Variants in CSTPP1 observed in about 807,000 individuals in gnomAD.
The protein encoded by CSTPP1 is centriolar satellite-associated tubulin polyglutamylase complex regulator 1.
the CSTPP1 span, among the ~76,000 whole-genome samples, chr11:46,939,676 G>A: frequency 0.29 from 28,480 of 97,842 alleles, 3,229 homozygotes; most frequent in South Asian, 0.38. Flanking sequence ...AGATAGATAG[G>A]TAGATGTTTT....
the CSTPP1 span, among the ~76,000 whole-genome samples, chr11:46,967,258 A>AT: frequency 6.6e-6 from 1 of 152,080 alleles, no homozygotes; most frequent in East Asian, 1.9e-4. Context: ...GGAAAGGTTC[A>AT]TTTTTTTGTA....
chr11:46,978,681 A>G, the CSTPP1 span, among the ~76,000 whole-genome samples: 1 of 152,194 alleles, frequency 6.6e-6, no homozygotes, highest in Non-Finnish European at 1.5e-5. Flanking sequence ...TAGAAACTCA[A>G]AGGGATTATT....
the CSTPP1 span, among the ~76,000 whole-genome samples, chr11:47,091,886 G>A: frequency 2.0e-5 from 3 of 152,302 alleles, no homozygotes; most frequent in South Asian, 6.2e-4. Flanking sequence ...CCTCCAGGAG[G>A]AACCAGCCTG....
At chr11:46,974,107 C>G in the CSTPP1 span, among the ~76,000 whole-genome samples, 1 of 152,150 alleles carries the variant, frequency 6.6e-6, no homozygotes, top group African/African-American at 2.4e-5. Flanking sequence ...TGGTGCACAC[C>G]TGTAGTCCCA....
At chr11:47,045,182 C>A in the CSTPP1 span, among the ~76,000 whole-genome samples, 1 of 152,042 alleles carries the variant, frequency 6.6e-6, no homozygotes, top group Non-Finnish European at 1.5e-5. Flanking sequence ...TAAGTAACAA[C>A]CAGAATTCTC....
At chr11:47,037,848 C>G in the CSTPP1 span, among the ~76,000 whole-genome samples, 7 of 128,058 alleles carry the variant, frequency 5.5e-5, 2 homozygotes. Context: ...TCCCCCCTTT[C>G]TATTCCACAA....
the CSTPP1 span, among the ~76,000 whole-genome samples, chr11:46,952,257 C>T: frequency 6.6e-6 from 1 of 152,184 alleles, no homozygotes; most frequent in South Asian, 2.1e-4. Context: ...AAAGCTGCCT[C>T]AATTGTAGCC....
chr11:46,968,589 C>T, the CSTPP1 span, among the ~76,000 whole-genome samples: 7 of 151,020 alleles, frequency 4.6e-5, no homozygotes, highest in African/African-American at 1.7e-4. Flanking sequence ...TCTTGATCAC[C>T]CCCCCGAACA....
chr11:47,100,760 A>G, the CSTPP1 span, among the ~76,000 whole-genome samples: 1 of 152,264 alleles, frequency 6.6e-6, no homozygotes, highest in East Asian at 1.9e-4. Flanking sequence ...ACTGTACTCC[A>G]GCATGGGCGA....
chr11:47,052,401 T>C, the CSTPP1 span: 2 of 1,613,896 alleles, frequency 1.2e-6, no homozygotes, highest in Non-Finnish European at 8.5e-7. Flanking sequence ...TAACAGTGTA[T>C]GCCAGGGAAC....
At chr11:46,987,225 A>G in the CSTPP1 span, 3 of 1,614,136 alleles carry the variant, frequency 1.9e-6, no homozygotes, top group Non-Finnish European at 2.5e-6. Context: ...ACATGTCCTC[A>G]CCTACATGGA....
chr11:47,110,836 G>A, the CSTPP1 span, among the ~76,000 whole-genome samples: 1 of 151,824 alleles, frequency 6.6e-6, no homozygotes, highest in East Asian at 1.9e-4. Context: ...AAGCCATGGA[G>A]GTGGGTTAGC....
chr11:47,012,488 G>A, the CSTPP1 span, among the ~76,000 whole-genome samples: 1 of 152,058 alleles, frequency 6.6e-6, no homozygotes, highest in Non-Finnish European at 1.5e-5. Context: ...CTGTATAGGG[G>A]AAAGGAAGAG....
chr11:46,993,308 C>T, the CSTPP1 span, among the ~76,000 whole-genome samples: 1 of 150,656 alleles, frequency 6.6e-6, no homozygotes, highest in Non-Finnish European at 1.5e-5. Context: ...GTGAAGAAGT[C>T]CTTGCCCATG....
the CSTPP1 span, among the ~76,000 whole-genome samples, chr11:46,965,726 A>G: frequency 6.6e-6 from 1 of 152,236 alleles, no homozygotes; most frequent in African/African-American, 2.4e-5. Context: ...ATCCTTACAC[A>G]GATACGTAGT....
chr11:47,151,115 G>A, the CSTPP1 span, among the ~76,000 whole-genome samples: 1 of 151,990 alleles, frequency 6.6e-6, no homozygotes, highest in Non-Finnish European at 1.5e-5. Context: ...AAATCTTTCT[G>A]CCCACAGGAT....
chr11:47,124,154 C>T, the CSTPP1 span, among the ~76,000 whole-genome samples: 1 of 98,294 alleles, frequency 1.0e-5, no homozygotes, highest in Non-Finnish European at 1.8e-5. Flanking sequence ...GACAGAGGCT[C>T]GTTCCGTCAC....
the CSTPP1 span, among the ~76,000 whole-genome samples, chr11:46,995,651 A>T: frequency 6.6e-6 from 1 of 152,168 alleles, no homozygotes; most frequent in East Asian, 1.9e-4. Context: ...ACAGTTTGTT[A>T]TAATTTCTGG....
the CSTPP1 span, among the ~76,000 whole-genome samples, chr11:47,006,862 G>T: frequency 3.4e-5 from 5 of 149,148 alleles, no homozygotes; most frequent in African/African-American, 9.9e-5. Context: ...AAAGTGCTGG[G>T]ATTACAGACA....
Sources: gnomAD v4.1 joint callset for allele counts (sites outside exome capture counted in the v4.1 genomes callset) on GRCh38, gnomAD v4.1.1 for gene constraint, MANE v1.5 for transcripts, NCBI Gene and HGNC (gene_info 2026-07-23, HGNC 2026-07-21) for gene names.